Variants in NT5C2 observed in about 807,000 individuals in gnomAD.
NT5C2 encodes the protein cytosolic purine 5'-nucleotidase.
A neutral mutation model predicts 76.1 loss-of-function variants in NT5C2; 58 were observed. The observed-to-expected ratio is 0.76, with a 90% CI of 0.62 to 0.95. The LOEUF (loss-of-function observed/expected upper bound fraction) is 0.95, where lower values mean the gene tolerates loss of function less well. Ranked by LOEUF, NT5C2 falls within the 40% of genes least tolerant of loss-of-function variation. NT5C2 has a pLI of 0.00. For missense variants in NT5C2, 478 were observed against 690.3 expected, an observed-to-expected ratio of 0.69 and a Z score of 3.45; for synonymous variants, 229 against 237.4, an observed-to-expected ratio of 0.96 and a Z score of 0.32.
intron 3 of NT5C2, among the ~76,000 whole-genome samples, chr10:103,142,541 C>T (rs937187710): frequency 1.8e-4 from 27 of 152,198 alleles, no homozygotes; most frequent in African/African-American, 6.5e-4. Context: ...TGTGGTGGCA[C>T]ATGCCTGTAG....
intron 3 of NT5C2, among the ~76,000 whole-genome samples, chr10:103,149,482 A>T (rs1158909639): frequency 1.3e-5 from 2 of 152,208 alleles, no homozygotes; most frequent in South Asian, 2.1e-4. Flanking sequence ...AGAAAAATAC[A>T]CAAGTTACGG....
intron 3 of NT5C2, among the ~76,000 whole-genome samples, chr10:103,174,354 G>C (rs1381770717): frequency 6.6e-6 from 1 of 152,160 alleles, no homozygotes; most frequent in Non-Finnish European, 1.5e-5. Flanking sequence ...GCAGTGAACT[G>C]AGACTGCACC....
intron 4 of NT5C2, among the ~76,000 whole-genome samples, chr10:103,132,221 C>G (rs545180562): frequency 7.1e-6 from 1 of 140,198 alleles, no homozygotes; most frequent in African/African-American, 2.7e-5. Flanking sequence ...GCCTGGGTAA[C>G]AAGAGCAAAA....
At chr10:103,130,572 A>T (rs1455814459) in intron 4 of NT5C2, among the ~76,000 whole-genome samples, 2 of 102,102 alleles carry the variant, frequency 2.0e-5, no homozygotes, top group Non-Finnish European at 3.9e-5. Flanking sequence ...ATTTAAAAAA[A>T]AAATAAAAAT....
rs1487890895 is a variant in NT5C2, at chr10:103,089,489, A to T, written c.*183T>A. The stretch of plus-strand genomic sequence containing the variant: ...CATTACAATTTTGGACCATCTGCAG[A>T]GAGTACAGATACACAAAACCAAAAC... On this transcript the variant is annotated 3_prime_UTR_variant, in exon 19 of 19. Coordinates refer to ENST00000404739, the MANE Select transcript of NT5C2 (RefSeq NM_001351169.2). The T allele has an allele frequency of 2.8e-6, 3 of 1,071,580 alleles. No individual in the cohort carries two copies. The highest frequency in any genetic ancestry group is 3.8e-6 in the Non-Finnish European group (3 of 790,006). 66.4% of individuals were successfully genotyped at this position (1,071,580 alleles called of 1,614,324 possible). A position where few individuals can be genotyped will look rare whatever the true frequency, so the allele number is the denominator to read the frequency against.
At chr10:103,177,396 CTT>C (rs1303650955) in intron 2 of NT5C2, among the ~76,000 whole-genome samples, 3 of 152,186 alleles carry the variant, frequency 2.0e-5, no homozygotes, top group Non-Finnish European at 4.4e-5. Context: ...AAAATATCCT[CTT>C]AGAGTTAAGT....
chr10:103,153,264 A>G (rs897324176), intron 3 of NT5C2: 6 of 1,275,282 alleles, frequency 4.7e-6, no homozygotes, highest in Non-Finnish European at 6.1e-6. Flanking sequence ...AGAAAAATGA[A>G]AGAGAAAGAA....
Position 103,137,487 on chromosome 10 carries a change from G to A in NT5C2, c.175+1919C>T, listed in dbSNP as rs143639546. Among the ~76,000 whole-genome samples the A allele has an allele frequency of 7.7e-4, 118 of 152,264 alleles. 2 individuals are homozygous for A. In the East Asian group the frequency reaches 0.015, roughly 19 times the overall value. On this transcript the variant is annotated intron_variant, in intron 4 of 18. Transcript: ENST00000404739. Reference sequence around the variant, plus strand: ...CCGTATCTATGTAGCAAGTACTCCCGTAATTTCGTGTTTGAACACGTATTA... The same window carrying A: ...CCGTATCTATGTAGCAAGTACTCCCATAATTTCGTGTTTGAACACGTATTA...
intron 3 of NT5C2, among the ~76,000 whole-genome samples, chr10:103,149,687 C>T (rs187123754): frequency 7.4e-4 from 112 of 152,112 alleles, no homozygotes; most frequent in African/African-American, 2.5e-3. Flanking sequence ...CAGGGTTAAA[C>T]TCTGTGAGAT....
chr10:103,190,860 C>A lies in NT5C2; in HGVS notation c.-169+2376G>T, dbSNP rs1017626814. ...TGCCAGGCATTGTTGACTACCGGGG[C>A]ACATTAGAGAGCATCTACTAATGAA... On this transcript the variant is annotated intron_variant, in intron 1 of 18. Transcript: ENST00000404739. 4.6e-5 allele frequency among the ~76,000 whole-genome samples: 7 copies of A among 152,252 alleles called. No homozygotes were observed. In the South Asian group the frequency reaches 6.2e-4, roughly 14 times the overall value.
chr10:103,094,302 C>T, intron 13 of NT5C2, 46 bp downstream of exon 13: 1 of 1,252,208 alleles, frequency 8.0e-7, no homozygotes, highest in South Asian at 1.2e-5. Flanking sequence ...GAAGGAGAAA[C>T]ATTAAGGACA....
intron 4 of NT5C2, among the ~76,000 whole-genome samples, chr10:103,133,045 G>A (rs1225400279): frequency 2.0e-5 from 3 of 152,196 alleles, no homozygotes; most frequent in African/African-American, 7.2e-5. Flanking sequence ...TGCACGTGTT[G>A]TGGGAGGGAC....
intron 4 of NT5C2, among the ~76,000 whole-genome samples, chr10:103,127,691 C>A (rs777097141): frequency 1.3e-5 from 2 of 152,194 alleles, no homozygotes; most frequent in Non-Finnish European, 2.9e-5. Flanking sequence ...TACCCAGTAA[C>A]ACCTTTAGCA....
intron 4 of NT5C2, among the ~76,000 whole-genome samples, chr10:103,109,051 T>C (rs1304374934): frequency 2.6e-5 from 4 of 152,068 alleles, no homozygotes; most frequent in South Asian, 4.1e-4. Context: ...GGTTTCACCA[T>C]GTTGGCCAGG....
At chr10:103,102,343 G>A (rs947297046) in intron 6 of NT5C2, among the ~76,000 whole-genome samples, 1 of 152,070 alleles carries the variant, frequency 6.6e-6, no homozygotes, top group Non-Finnish European at 1.5e-5. Context: ...TCTGCTGGAG[G>A]ATAGAAGGCT....
At position 103,098,911 on chromosome 10, in the gene NT5C2, T is replaced by C; in HGVS notation, c.687+20A>G. 6.5e-7 allele frequency: 1 copy of C among 1,539,038 alleles called. No homozygotes were observed. The highest frequency in any genetic ancestry group is 9.0e-7 in the Non-Finnish European group (1 of 1,116,344). Reference sequence around the variant, plus strand: ...TAAAATGAGCTATTATGCAGATCTATTTTCCCCTATATTACTTACATCTTT... The same window carrying C: ...TAAAATGAGCTATTATGCAGATCTACTTTCCCCTATATTACTTACATCTTT... On this transcript the variant is annotated intron_variant, in intron 10 of 18. Coordinates refer to ENST00000404739, the MANE Select transcript of NT5C2 (RefSeq NM_001351169.2).
chr10:103,170,146 A>T (rs879891372), intron 3 of NT5C2, among the ~76,000 whole-genome samples: 1 of 152,060 alleles, frequency 6.6e-6, no homozygotes, highest in Non-Finnish European at 1.5e-5. Context: ...TAATTAATTT[A>T]AAAAAATAAT....
At chr10:103,189,977 C>T (rs116979997) in intron 1 of NT5C2, among the ~76,000 whole-genome samples, 4,780 of 149,342 alleles carry the variant, frequency 0.032, 121 homozygotes, top group Middle Eastern at 0.046. Flanking sequence ...GCCGGTTTGC[C>T]GCATTAATTT....
At chr10:103,146,255 T>C in intron 3 of NT5C2, 2 of 985,402 alleles carry the variant, frequency 2.0e-6, no homozygotes, top group Non-Finnish European at 2.4e-6. Context: ...GATATCACTG[T>C]TGCTCCACAC....
Sources: gnomAD v4.1 joint callset for allele counts (sites outside exome capture counted in the v4.1 genomes callset) on GRCh38, gnomAD v4.1.1 for gene constraint, MANE v1.5 for transcripts, NCBI Gene and HGNC (gene_info 2026-07-23, HGNC 2026-07-21) for gene names.